NEK11: variants seen among roughly 807,000 people sequenced by gnomAD.
The protein encoded by NEK11 is serine/threonine-protein kinase Nek11.
In NEK11, 72 loss-of-function variants were observed where a neutral mutation model predicts 80.7. The ratio of observed to expected loss-of-function variants is 0.89; its 90% CI spans 0.74 to 1.08. NEK11 has a LOEUF of 1.08. NEK11 is among the 50% of genes least tolerant of loss of function. The pLI is 0.00. For missense variants in NEK11, 764 were observed against 763.6 expected, an observed-to-expected ratio of 1.00 and a Z score of -0.01; for synonymous variants, 251 against 260.7, an observed-to-expected ratio of 0.96 and a Z score of 0.36.
chr3:131,203,215 G>A (rs2094308800), intron 14 of NEK11, among the ~76,000 whole-genome samples: 1 of 152,076 alleles, frequency 6.6e-6, no homozygotes, highest in South Asian at 2.1e-4. Flanking sequence ...TTAAGAAAAT[G>A]TGGCACATAT....
chr3:131,117,118 G>T (rs12636794), intron 5 of NEK11, among the ~76,000 whole-genome samples: 5 of 151,994 alleles, frequency 3.3e-5, no homozygotes, highest in Admixed American at 6.6e-5. Context: ...AGGTCTAACA[G>T]TTAAGTCTTT....
At chr3:131,322,663 T>G (rs1189108975) in intron 17 of NEK11, among the ~76,000 whole-genome samples, 1 of 152,120 alleles carries the variant, frequency 6.6e-6, no homozygotes. Flanking sequence ...GGGTGAGAGA[T>G]TCTGCATGTC....
At chr3:131,145,766 A>G (rs747423416) in intron 7 of NEK11, among the ~76,000 whole-genome samples, 3 of 152,014 alleles carry the variant, frequency 2.0e-5, no homozygotes, top group Non-Finnish European at 2.9e-5. Flanking sequence ...TTTATGACCT[A>G]CTCAGTATGG....
At chr3:131,243,614 C>A in intron 16 of NEK11, 118 bp downstream of exon 16, 1 of 816,062 alleles carries the variant, frequency 1.2e-6, no homozygotes, top group African/African-American at 1.7e-5. Flanking sequence ...GATGAAGAAA[C>A]TGAGGCCAAT....
intron 14 of NEK11, among the ~76,000 whole-genome samples, chr3:131,216,566 T>A (rs2094841818): frequency 6.6e-6 from 1 of 152,006 alleles, no homozygotes; most frequent in Admixed American, 6.6e-5. Flanking sequence ...GTGTGTTTAT[T>A]TCACTGGGGG....
chr3:131,200,758 G>A (rs2094196992), intron 14 of NEK11, among the ~76,000 whole-genome samples: 1 of 152,184 alleles, frequency 6.6e-6, no homozygotes, highest in South Asian at 2.1e-4. Flanking sequence ...GAGTTAGTGA[G>A]CCAGGGAGAT....
At chr3:131,121,655 C>G (rs2082399532) in intron 5 of NEK11, among the ~76,000 whole-genome samples, 1 of 152,192 alleles carries the variant, frequency 6.6e-6, no homozygotes, top group African/African-American at 2.4e-5. Flanking sequence ...TTCCAGGCCA[C>G]TTTGTTTACC....
chr3:131,081,339 C>T (rs2075241208), intron 4 of NEK11, among the ~76,000 whole-genome samples: 1 of 152,050 alleles, frequency 6.6e-6, no homozygotes, highest in South Asian at 2.1e-4. Context: ...GCTTTTTTCC[C>T]CACAAGAATT....
intron 14 of NEK11, among the ~76,000 whole-genome samples, chr3:131,208,807 T>C (rs1325452312): frequency 6.6e-6 from 1 of 152,234 alleles, no homozygotes; most frequent in Non-Finnish European, 1.5e-5. Context: ...TTTTTGCACA[T>C]TGATTTTCTA....
At chr3:131,107,331 G>A (rs932931407) in intron 4 of NEK11, among the ~76,000 whole-genome samples, 4 of 151,442 alleles carry the variant, frequency 2.6e-5, no homozygotes, top group African/African-American at 9.7e-5. Flanking sequence ...CATACGTCGT[G>A]CACATGTACC....
In NEK11 at chr3:131,046,867, G is replaced by C. The variant is rs1398395688; in HGVS notation, c.170+16989G>C. On this transcript the variant is annotated intron_variant, in intron 3 of 17. Transcript: ENST00000383366. ...TAGCAAGGCCAGGTAAGTTTTCCTT[G>C]ATTATTCTCTCAAGTATGTTTTCCA... is the stretch of plus-strand genomic sequence containing the variant. 3.3e-5 allele frequency among the ~76,000 whole-genome samples: 5 copies of C among 152,144 alleles called. No homozygotes were observed. The East Asian group carries it at 9.6e-4, about 29-fold the overall frequency.
chr3:131,089,216 G>C (rs1488134285), intron 4 of NEK11, among the ~76,000 whole-genome samples: 1 of 152,162 alleles, frequency 6.6e-6, no homozygotes, highest in African/African-American at 2.4e-5. Context: ...AAGGATGCTT[G>C]TTGAAAATAC....
intron 2 of NEK11, among the ~76,000 whole-genome samples, chr3:131,028,784 GA>G (rs920780182): frequency 3.3e-5 from 5 of 151,986 alleles, no homozygotes; most frequent in African/African-American, 1.2e-4. Flanking sequence ...TCGATCTCCT[GA>G]CCTCGTGATC....
intron 17 of NEK11, among the ~76,000 whole-genome samples, chr3:131,289,516 C>G (rs1246095797): frequency 6.6e-6 from 1 of 152,196 alleles, no homozygotes; most frequent in East Asian, 1.9e-4. Context: ...GGCACTTGCA[C>G]AGACCATGGC....
At chr3:131,222,533 T>C (rs2095058209) in intron 14 of NEK11, among the ~76,000 whole-genome samples, 1 of 152,240 alleles carries the variant, frequency 6.6e-6, no homozygotes, top group Non-Finnish European at 1.5e-5. Flanking sequence ...TTAAGTAATT[T>C]AGACAACTAA....
intron 15 of NEK11, among the ~76,000 whole-genome samples, chr3:131,238,110 C>T (rs1480053978): frequency 6.6e-6 from 1 of 152,112 alleles, no homozygotes; most frequent in East Asian, 1.9e-4. Context: ...ATGCTCTTCC[C>T]ACCAGATACA....
intron 5 of NEK11, among the ~76,000 whole-genome samples, chr3:131,122,545 T>C (rs1262019528): frequency 2.0e-5 from 3 of 152,344 alleles, no homozygotes; most frequent in East Asian, 3.9e-4. Flanking sequence ...CAAAGACCAG[T>C]AACAGGAGTT....
At chr3:131,249,987 C>T (rs896906209) in intron 16 of NEK11, among the ~76,000 whole-genome samples, 1 of 151,850 alleles carries the variant, frequency 6.6e-6, no homozygotes, top group Admixed American at 6.6e-5. Context: ...TGTGTATCCA[C>T]AAAAGTTTTT....
chr3:131,282,207 C>T (rs2096406199), intron 17 of NEK11, among the ~76,000 whole-genome samples: 1 of 151,312 alleles, frequency 6.6e-6, no homozygotes, highest in Non-Finnish European at 1.5e-5. Flanking sequence ...GAGGAATCAC[C>T]TTTCCAGGGC....
Sources: allele counts gnomAD v4.1 joint callset (sites outside exome capture counted in the v4.1 genomes callset), GRCh38; gene constraint gnomAD v4.1.1; transcripts MANE v1.5; gene names NCBI Gene and HGNC (gene_info 2026-07-23, HGNC 2026-07-21).